The following ADGRL2 variants were observed in gnomAD, a reference collection of about 807,000 sequenced individuals.
The protein encoded by ADGRL2 is calcium-independent alpha-latrotoxin receptor 2.
A neutral mutation model predicts 157.4 loss-of-function variants in ADGRL2; 44 were observed. The ratio of observed to expected loss-of-function variants is 0.28; its 90% CI spans 0.22 to 0.36. The LOEUF is 0.36. Among genes scored for constraint, ADGRL2 ranks in the 10% least tolerant of loss-of-function variants. The pLI is 1.00. For synonymous variants in ADGRL2, 585 were observed against 624.7 expected (o/e 0.94, Z 0.95); for missense variants, 1,510 against 1,768.9 (o/e 0.85, Z 2.63).
chr1:81,888,001 A>G (rs1166307229), intron 2 of ADGRL2, among the ~76,000 whole-genome samples: 3 of 152,166 alleles, frequency 2.0e-5, no homozygotes, highest in Non-Finnish European at 4.4e-5. Flanking sequence ...TAGACAGTCA[A>G]GCGGCCTTCT....
chr1:81,456,448 G>A (rs566203698), intron 2 of ADGRL2, among the ~76,000 whole-genome samples: 22 of 152,012 alleles, frequency 1.4e-4, no homozygotes, highest in Admixed American at 5.9e-4. Context: ...TTGTTGCCCA[G>A]GCTAGTATCA....
rs1658361051 is a variant in ADGRL2, at chr1:81,970,351, T to C, written c.2771T>C (p.Phe924Ser). ...CPIFAGLLHF[F>S]FLAAFAWMCL... The stretch of plus-strand genomic sequence containing the variant: ...ATATTTGCAGGACTTCTACACTTTT[T>C]CTTTTTGGCAGCTTTTGCTTGGATG... Residue 924 changes from phenylalanine (F) to serine (S), a missense_variant, in exon 16 of 24, where the codon TTC becomes TCC. Around this residue, in one of 4 missense-constraint regions of ADGRL2, gnomAD observed 497 missense variants for 627.2 expected, o/e 0.79. Transcript: ENST00000686636. The C allele has an allele frequency of 6.2e-7, 1 of 1,600,274 alleles. No individual in the cohort carries two copies. The highest frequency in any genetic ancestry group is 1.8e-5 in the Admixed American group (1 of 56,548).
chr1:81,482,712 G>A (rs2078415261), intron 2 of ADGRL2, among the ~76,000 whole-genome samples: 1 of 151,920 alleles, frequency 6.6e-6, no homozygotes, highest in African/African-American at 2.4e-5. Context: ...ATATTAGATA[G>A]GGTTCCATTT....
chr1:81,634,519 T>TG (rs1290675978), intron 3 of ADGRL2, among the ~76,000 whole-genome samples: 2 of 147,674 alleles, frequency 1.4e-5, no homozygotes, highest in African/African-American at 5.0e-5. Context: ...CTTGTTTTTT[T>TG]TTTTTTGGTT....
intron 2 of ADGRL2, among the ~76,000 whole-genome samples, chr1:81,837,755 C>A (rs1216341123): frequency 1.3e-5 from 2 of 151,800 alleles, no homozygotes. Context: ...CATTTATTAA[C>A]TATATAGATT....
intron 3 of ADGRL2, among the ~76,000 whole-genome samples, chr1:81,674,990 C>G (rs1570799943): frequency 6.6e-6 from 1 of 152,114 alleles, no homozygotes; most frequent in South Asian, 2.1e-4. Context: ...CTTTTTCATC[C>G]TTTTCCCTTT....
chr1:81,904,075 A>G (rs1027072112), intron 2 of ADGRL2, among the ~76,000 whole-genome samples: 8 of 152,056 alleles, frequency 5.3e-5, no homozygotes, highest in Non-Finnish European at 1.0e-4. Context: ...AGGAAAGCAC[A>G]TTGCAATTTA....
chr1:81,486,500 A>G (rs879928610), intron 2 of ADGRL2, among the ~76,000 whole-genome samples: 7 of 152,178 alleles, frequency 4.6e-5, no homozygotes, highest in Non-Finnish European at 8.8e-5. Context: ...AAATCTAAAT[A>G]CTTACAGGCC....
At position 81,971,882 on chromosome 1, in the gene ADGRL2, A is replaced by C; in HGVS notation, c.2985A>C (p.Ile995=). ...ACWLHVDNYF[I]WSFIGPVTFI... is the part of the protein sequence containing the mutation. ...GGCTTCATGTTGATAACTACTTTATATGGAGCTTCATTGGACCTGTTACCT... is the reference window on the plus strand; with the variant it reads ...GGCTTCATGTTGATAACTACTTTATCTGGAGCTTCATTGGACCTGTTACCT... The change falls in exon 17 of 24, where the codon ATA becomes ATC. Residue 995 remains isoleucine (I), a synonymous_variant. Transcript: ENST00000686636. The C allele has an allele frequency of 6.2e-7, 1 of 1,611,664 alleles. No individual in the cohort carries two copies. Among genetic ancestry groups the C allele is most frequent in the Non-Finnish European group, 8.5e-7 (1 of 1,178,516 alleles).
At chr1:81,415,790 T>G (rs1430430129) in intron 1 of ADGRL2, among the ~76,000 whole-genome samples, 1 of 152,016 alleles carries the variant, frequency 6.6e-6, no homozygotes, top group Admixed American at 6.5e-5. Context: ...AATAAACACC[T>G]GCTGAATGGA....
chr1:81,936,043 A>T (rs1350066328), intron 3 of ADGRL2, among the ~76,000 whole-genome samples: 3 of 151,936 alleles, frequency 2.0e-5, no homozygotes, highest in African/African-American at 7.2e-5. Flanking sequence ...AGGCACATTG[A>T]TCTATGAATA....
chr1:81,689,127 A>G (rs2083283959), intron 3 of ADGRL2, among the ~76,000 whole-genome samples: 1 of 152,202 alleles, frequency 6.6e-6, no homozygotes, highest in Admixed American at 6.5e-5. Context: ...TAACAAAGAC[A>G]CAGTAGTTTA....
At chr1:81,447,326 ATAT>A (rs1439364816) in intron 2 of ADGRL2, among the ~76,000 whole-genome samples, 1 of 152,216 alleles carries the variant, frequency 6.6e-6, no homozygotes, top group Non-Finnish European at 1.5e-5. Flanking sequence ...GGAAGGGATA[ATAT>A]TAGATATTAA....
intron 3 of ADGRL2, among the ~76,000 whole-genome samples, chr1:81,630,718 A>C (rs2081995923): frequency 6.6e-6 from 1 of 152,142 alleles, no homozygotes; most frequent in Admixed American, 6.6e-5. Flanking sequence ...ATATACCAAT[A>C]TTTTTCAAAA....
At chr1:81,583,240 T>C (rs1302131744) in intron 3 of ADGRL2, among the ~76,000 whole-genome samples, 1 of 152,216 alleles carries the variant, frequency 6.6e-6, no homozygotes, top group African/African-American at 2.4e-5. Context: ...ATTAACTTGA[T>C]ATGTAGAAGT....
intron 2 of ADGRL2, among the ~76,000 whole-genome samples, chr1:81,791,366 T>C (rs1302668520): frequency 6.6e-6 from 1 of 152,126 alleles, no homozygotes; most frequent in Non-Finnish European, 1.5e-5. Context: ...CACAGTGTTA[T>C]AGCTGGGTCT....
intron 1 of ADGRL2, among the ~76,000 whole-genome samples, chr1:81,430,271 G>T (rs2077296594): frequency 6.6e-6 from 1 of 152,202 alleles, no homozygotes; most frequent in South Asian, 2.1e-4. Flanking sequence ...AGTGCTTGAT[G>T]AAAAATAAAG....
intron 2 of ADGRL2, among the ~76,000 whole-genome samples, chr1:81,476,310 A>G (rs1220257971): frequency 6.6e-6 from 1 of 152,188 alleles, no homozygotes; most frequent in African/African-American, 2.4e-5. Flanking sequence ...ACTTGACAAT[A>G]TGATTGGTGA....
chr1:81,938,562 G>T (rs183888279), intron 4 of ADGRL2, among the ~76,000 whole-genome samples: 275 of 151,714 alleles, frequency 1.8e-3, no homozygotes, highest in African/African-American at 6.2e-3. Context: ...AGAAGTATTT[G>T]TTCCTTTTAG....
Sources: gnomAD v4.1 joint callset for allele counts (sites outside exome capture counted in the v4.1 genomes callset) on GRCh38, gnomAD v4.1.1 for gene constraint, gnomAD v4.1.1 regional missense constraint, MANE v1.5 for transcripts, NCBI Gene and HGNC (gene_info 2026-07-23, HGNC 2026-07-21) for gene names.